Variants in CPEB1 observed in about 807,000 individuals in gnomAD.
CPEB1 encodes the protein cytoplasmic polyadenylation element-binding protein 1.
A neutral mutation model predicts 65.8 loss-of-function variants in CPEB1; 7 were observed. The ratio of observed to expected loss-of-function variants is 0.11; its 90% CI spans 0.06 to 0.20. The LOEUF (loss-of-function observed/expected upper bound fraction) is 0.20. Among genes scored for constraint, CPEB1 ranks in the 10% least tolerant of loss-of-function variants. The pLI is 1.00. For missense variants in CPEB1, 551 were observed against 712.2 expected, an observed-to-expected ratio of 0.77 and a Z score of 2.58; for synonymous variants, 262 against 260.0, an observed-to-expected ratio of 1.01 and a Z score of -0.08.
intron 3 of CPEB1, among the ~76,000 whole-genome samples, chr15:82,619,717 A>T (rs1003142056): frequency 1.5e-4 from 23 of 152,210 alleles, no homozygotes; most frequent in African/African-American, 5.3e-4. Context: ...GGACATGAAC[A>T]TTAAAACCAC....
At chr15:82,606,418 C>A (rs925621401) in intron 3 of CPEB1, among the ~76,000 whole-genome samples, 2 of 148,284 alleles carry the variant, frequency 1.3e-5, no homozygotes, top group Admixed American at 1.4e-4. Flanking sequence ...TACAGTGACC[C>A]GAGATGGCAC....
intron 4 of CPEB1, among the ~76,000 whole-genome samples, chr15:82,569,431 T>A (rs1463583720): frequency 6.6e-6 from 1 of 152,326 alleles, no homozygotes; most frequent in African/African-American, 2.4e-5. Context: ...CTGGTCCTTA[T>A]GAATTCTGAG....
At chr15:82,588,907 ATTGAG>A (rs1165032765) in intron 3 of CPEB1, among the ~76,000 whole-genome samples, 6 of 152,186 alleles carry the variant, frequency 3.9e-5, no homozygotes, top group African/African-American at 1.4e-4. Flanking sequence ...TGTTCTTAAG[ATTGAG>A]TATCTTTCAT....
At chr15:82,610,170 G>A (rs1023061433) in intron 3 of CPEB1, among the ~76,000 whole-genome samples, 2 of 151,392 alleles carry the variant, frequency 1.3e-5, no homozygotes, top group African/African-American at 4.9e-5. Flanking sequence ...CAAAGAAACA[G>A]ACAATCTGCA....
At chr15:82,575,477 A>C (rs909506757) in intron 3 of CPEB1, among the ~76,000 whole-genome samples, 2 of 152,200 alleles carry the variant, frequency 1.3e-5, no homozygotes, top group African/African-American at 4.8e-5. Context: ...AGCTGACCTT[A>C]TCACAACGAA....
intron 3 of CPEB1, among the ~76,000 whole-genome samples, chr15:82,619,384 A>T (rs2045080662): frequency 6.6e-6 from 1 of 152,236 alleles, no homozygotes; most frequent in Non-Finnish European, 1.5e-5. Flanking sequence ...GAATAGGCAA[A>T]TATTTCTTAA....
At chr15:82,573,666 T>A (rs987466448) in intron 3 of CPEB1, among the ~76,000 whole-genome samples, 2 of 152,154 alleles carry the variant, frequency 1.3e-5, no homozygotes, top group African/African-American at 4.8e-5. Flanking sequence ...GAGAATCAAC[T>A]ATGCTCTTGC....
At chr15:82,567,166 A>G (rs1449657051) in intron 4 of CPEB1, among the ~76,000 whole-genome samples, 1 of 152,212 alleles carries the variant, frequency 6.6e-6, no homozygotes, top group African/African-American at 2.4e-5. Flanking sequence ...TCCACATAAG[A>G]GAGACCTAAT....
At chr15:82,584,272 A>G (rs1461025456) in intron 3 of CPEB1, among the ~76,000 whole-genome samples, 1 of 151,280 alleles carries the variant, frequency 6.6e-6, no homozygotes, top group Non-Finnish European at 1.5e-5. Flanking sequence ...AAAAAAAAAA[A>G]AAAAAAAAAA....
chr15:82,587,600 A>G (rs548465070), intron 3 of CPEB1, among the ~76,000 whole-genome samples: 19 of 152,352 alleles, frequency 1.2e-4, no homozygotes, highest in Non-Finnish European at 1.9e-4. Flanking sequence ...AGTAGACTAC[A>G]GGTAGTAGCA....
intron 3 of CPEB1, among the ~76,000 whole-genome samples, chr15:82,626,163 C>T (rs1421201842): frequency 6.6e-6 from 1 of 151,554 alleles, no homozygotes; most frequent in Non-Finnish European, 1.5e-5. Flanking sequence ...AGGCCGGGTG[C>T]AGTGGCTCAC....
At chr15:82,612,845 C>A (rs67910400) in intron 3 of CPEB1, among the ~76,000 whole-genome samples, 2,740 of 52,066 alleles carry the variant, frequency 0.053, 34 homozygotes, top group Non-Finnish European at 0.065. Context: ...AAAAAAAGAA[C>A]AAACAAACAA....
At chr15:82,559,322 C>T (rs1033228600) in intron 4 of CPEB1, among the ~76,000 whole-genome samples, 7 of 152,198 alleles carry the variant, frequency 4.6e-5, no homozygotes, top group Non-Finnish European at 1.0e-4. Flanking sequence ...ATGACCTCCC[C>T]TTTTGGATAA....
chr15:82,610,700 G>A (rs934045848), intron 3 of CPEB1, among the ~76,000 whole-genome samples: 4 of 151,932 alleles, frequency 2.6e-5, no homozygotes, highest in Admixed American at 6.6e-5. Context: ...ACTCACGCCT[G>A]TAATCCCAGC....
chr15:82,620,166 T>C (rs528435296), intron 3 of CPEB1, among the ~76,000 whole-genome samples: 1 of 152,272 alleles, frequency 6.6e-6, no homozygotes, highest in South Asian at 2.1e-4. Flanking sequence ...CTCAGCACTT[T>C]GGGAAGCCAA....
chr15:82,606,242 CG>C (rs1190149428), intron 3 of CPEB1, among the ~76,000 whole-genome samples: 2 of 150,730 alleles, frequency 1.3e-5, no homozygotes, highest in Non-Finnish European at 3.0e-5. Context: ...CCGAGGCAGG[CG>C]GATCACTTGA....
intron 3 of CPEB1, among the ~76,000 whole-genome samples, chr15:82,582,737 C>CTTTTTTTTTTTTT (rs11300517): frequency 1.1e-5 from 1 of 87,402 alleles, no homozygotes; most frequent in African/African-American, 5.0e-5. Flanking sequence ...ACTAGGAGTT[C>CTTTTTTTTTTTTT]TTTTTTTTTT....
chr15:82,629,693 T>TGCGGA, intron 1 of CPEB1: 6 of 985,338 alleles, frequency 6.1e-6, no homozygotes, highest in Non-Finnish European at 7.2e-6. Context: ...TCAATTATCT[T>TGCGGA]GCGGAAAACA....
intron 3 of CPEB1, among the ~76,000 whole-genome samples, chr15:82,617,109 G>A (rs1178898020): frequency 6.6e-6 from 1 of 152,204 alleles, no homozygotes; most frequent in Non-Finnish European, 1.5e-5. Context: ...TCTCCCTGCT[G>A]TCACTGGAGG....
Sources: gnomAD v4.1 joint callset for allele counts (sites outside exome capture counted in the v4.1 genomes callset) on GRCh38, gnomAD v4.1.1 for gene constraint, MANE v1.5 for transcripts, NCBI Gene and HGNC (gene_info 2026-07-23, HGNC 2026-07-21) for gene names.